COMMD7: variants seen among roughly 807,000 people sequenced by gnomAD.
COMMD7 encodes the protein COMM domain containing 7, also known as COMM domain-containing protein 7.
In COMMD7, 28 loss-of-function variants were observed where a neutral mutation model predicts 34.8. That is an observed-to-expected ratio of 0.80 (90% CI 0.60 to 1.10). The LOEUF (loss-of-function observed/expected upper bound fraction) is 1.10. COMMD7 is among the 50% of genes least tolerant of loss of function. The pLI, the probability that COMMD7 is intolerant of heterozygous loss-of-function variation, is 0.00. For synonymous variants in COMMD7, 80 were observed against 86.4 expected, an observed-to-expected ratio of 0.93 and a Z score of 0.41; for missense variants, 211 against 241.6, an observed-to-expected ratio of 0.87 and a Z score of 0.84.
intron 1 of COMMD7, among the ~76,000 whole-genome samples, chr20:32,731,874 A>G (rs1985859370): frequency 6.6e-6 from 1 of 152,230 alleles, no homozygotes; most frequent in South Asian, 2.1e-4. Context: ...CAGTAAACTT[A>G]GGAAGAGATG....
rs1393116269 is a variant in COMMD7, at chr20:32,723,102, GTCTCCC to G, written c.241+4785_241+4790del. The stretch of plus-strand genomic sequence containing the variant: ...CCTCTCCCTCTCCCTCTCCCTCTCC[GTCTCCC>G]TCTCCCTCTCCCTCTCCCTCCCTCT... On this transcript the variant is annotated intron_variant, in intron 3 of 8. Transcript: ENST00000278980. 7.2e-4 allele frequency among the ~76,000 whole-genome samples: 26 copies of G among 36,306 alleles called. 5 individuals are homozygous for G. Among genetic ancestry groups the G allele is most frequent in the East Asian group, 1.8e-3 (5 of 2,716 alleles). 23.8% of individuals were successfully genotyped at this position (36,306 alleles called of 152,430 possible). A position where few individuals can be genotyped will look rare whatever the true frequency, so the allele number is the denominator to read the frequency against.
Position 32,713,599 on chromosome 20 carries a change from C to G in COMMD7, c.242-6839G>C, listed in dbSNP as rs565211849. On this transcript the variant is annotated intron_variant, in intron 3 of 8. Transcript: ENST00000278980. ...TGCTTTCATCCAGTCAGTACTGACC[C>G]TGAAGGCTGACCAGCTGAAGCCACC... 3.3e-5 allele frequency among the ~76,000 whole-genome samples: 5 copies of G among 152,294 alleles called. No homozygotes were observed. The South Asian group carries it at 1.0e-3, about 32-fold the overall frequency.
intron 1 of COMMD7, 149 bp from the exon 2 acceptor site, chr20:32,728,291 A>G: frequency 1.4e-6 from 1 of 699,440 alleles, no homozygotes; most frequent in Non-Finnish European, 2.5e-6. Context: ...ACAAATGTTC[A>G]CAATACCCAC....
intron 1 of COMMD7, among the ~76,000 whole-genome samples, chr20:32,736,290 G>A (rs1377154752): frequency 6.6e-6 from 1 of 152,212 alleles, no homozygotes; most frequent in South Asian, 2.1e-4. Flanking sequence ...ACTTGGAGAA[G>A]TCTGATTATC....
chr20:32,712,625 A>AAGAAAATT (rs1984533428), intron 3 of COMMD7, among the ~76,000 whole-genome samples: 1 of 151,320 alleles, frequency 6.6e-6, no homozygotes, highest in African/African-American at 2.4e-5. Flanking sequence ...AAAAAAAAAA[A>AAGAAAATT]AGAAAATTGT....
intron 1 of COMMD7, among the ~76,000 whole-genome samples, chr20:32,733,689 C>A (rs1342362905): frequency 4.1e-5 from 6 of 147,108 alleles, no homozygotes; most frequent in African/African-American, 1.3e-4. Flanking sequence ...TGCACTCCAA[C>A]CTGGGCGACA....
At chr20:32,730,013 A>C (rs1204460363) in intron 1 of COMMD7, among the ~76,000 whole-genome samples, 1 of 151,842 alleles carries the variant, frequency 6.6e-6, no homozygotes, top group Non-Finnish European at 1.5e-5. Flanking sequence ...ACTCTGTCTC[A>C]AAAAAAAGAA....
chr20:32,729,463 C>T (rs6058836), intron 1 of COMMD7, among the ~76,000 whole-genome samples: 34 of 152,026 alleles, frequency 2.2e-4, no homozygotes, highest in African/African-American at 7.7e-4. Context: ...CCACCGTGCC[C>T]AGCCTAGGGC....
chr20:32,704,573 T>G, intron 6 of COMMD7, 84 bp from the exon 7 acceptor site: 1 of 1,459,554 alleles, frequency 6.9e-7, no homozygotes, highest in Non-Finnish European at 9.4e-7. Flanking sequence ...ACCCCAGTTT[T>G]GCAGCTGTCC....
At chr20:32,717,803 GAA>G (rs1239377970) in intron 3 of COMMD7, among the ~76,000 whole-genome samples, 1 of 151,470 alleles carries the variant, frequency 6.6e-6, no homozygotes, top group Non-Finnish European at 1.5e-5. Flanking sequence ...AATAGTACAA[GAA>G]AAACATTTTT....
chr20:32,734,443 G>A (rs2145780085), intron 1 of COMMD7, among the ~76,000 whole-genome samples: 1 of 151,890 alleles, frequency 6.6e-6, no homozygotes, highest in East Asian at 1.9e-4. Flanking sequence ...CTGCACTCCA[G>A]CCTGGGTGAC....
intron 1 of COMMD7, among the ~76,000 whole-genome samples, chr20:32,736,780 C>T (rs574737252): frequency 1.3e-3 from 200 of 152,308 alleles, no homozygotes; most frequent in Non-Finnish European, 2.2e-3. Flanking sequence ...ATGGCTCACA[C>T]CTGTAATCCC....
chr20:32,713,439 G>A (rs1158387779), intron 3 of COMMD7, among the ~76,000 whole-genome samples: 1 of 152,234 alleles, frequency 6.6e-6, no homozygotes, highest in Non-Finnish European at 1.5e-5. Flanking sequence ...GGAAGTGAGG[G>A]TGACGACTTC....
intron 1 of COMMD7, among the ~76,000 whole-genome samples, chr20:32,734,275 C>T (rs371790777): frequency 8.6e-5 from 13 of 151,320 alleles, no homozygotes; most frequent in Admixed American, 3.3e-4. Context: ...GAGTTCAAGA[C>T]CAGCCTGGCC....
rs117121412 is a variant in COMMD7, at chr20:32,718,927, G to A, written c.241+8966C>T. On this transcript the variant is annotated intron_variant, in intron 3 of 8. Coordinates refer to ENST00000278980, the MANE Select transcript of COMMD7 (RefSeq NM_053041.3). ...TCCAGGGTTCCAAGGCTGGGGTTGC[G>A]GGGAGAGTATTTCTGACTCTGGACA... Among the ~76,000 whole-genome samples the A allele has an allele frequency of 4.2e-4, 64 of 152,212 alleles. 1 individual carries two copies. In the East Asian group the frequency reaches 4.6e-3, roughly 11 times the overall value.
chr20:32,715,699 C>G (rs916038084), intron 3 of COMMD7, among the ~76,000 whole-genome samples: 1 of 151,920 alleles, frequency 6.6e-6, no homozygotes, highest in Non-Finnish European at 1.5e-5. Context: ...CCCAGCTACT[C>G]GGGAGGCTGA....
At chr20:32,722,423 G>A (rs1985227575) in intron 3 of COMMD7, among the ~76,000 whole-genome samples, 1 of 151,936 alleles carries the variant, frequency 6.6e-6, no homozygotes, top group African/African-American at 2.4e-5. Flanking sequence ...CAGAGAATGA[G>A]AATAATGATT....
intron 3 of COMMD7, among the ~76,000 whole-genome samples, chr20:32,709,559 C>G (rs186315715): frequency 6.6e-6 from 1 of 152,114 alleles, no homozygotes; most frequent in Admixed American, 6.6e-5. Context: ...CAAAAACAAA[C>G]GATGACAAAA....
At chr20:32,726,328 CAGAGG>C (rs1363806554) in intron 3 of COMMD7, among the ~76,000 whole-genome samples, 3 of 151,390 alleles carry the variant, frequency 2.0e-5, no homozygotes, top group African/African-American at 7.3e-5. Context: ...ACCTGGGAGG[CAGAGG>C]TTGCAGTGAG....
Sources: gnomAD v4.1 joint callset for allele counts (sites outside exome capture counted in the v4.1 genomes callset) on GRCh38, gnomAD v4.1.1 for gene constraint, MANE v1.5 for transcripts, NCBI Gene and HGNC (gene_info 2026-07-23, HGNC 2026-07-21) for gene names.